The following LINGO2 variants were observed in gnomAD, a reference collection of about 807,000 sequenced individuals.
The protein encoded by LINGO2 is leucine rich repeat and Ig domain containing 2.
LINGO2 carries 14 observed loss-of-function variants against 30.6 expected under a neutral mutation model. The ratio of observed to expected loss-of-function variants is 0.46; its 90% CI spans 0.30 to 0.72. The LOEUF is 0.72. Ranked by LOEUF, LINGO2 falls within the 30% of genes least tolerant of loss-of-function variation. LINGO2 has a pLI of 0.07. For synonymous variants in LINGO2, 317 were observed against 288.5 expected, an observed-to-expected ratio of 1.10 and a Z score of -1.00; for missense variants, 729 against 751.7, an observed-to-expected ratio of 0.97 and a Z score of 0.35.
chr9:28,070,426 C>T (rs1825440121), intron 4 of LINGO2, among the ~76,000 whole-genome samples: 1 of 152,140 alleles, frequency 6.6e-6, no homozygotes, highest in Admixed American at 6.6e-5. Context: ...AATCCCAACA[C>T]ACATAAACAT....
chr9:28,277,308 C>T (rs868801459), intron 4 of LINGO2, among the ~76,000 whole-genome samples: 1 of 152,076 alleles, frequency 6.6e-6, no homozygotes, highest in Non-Finnish European at 1.5e-5. Context: ...AAATCGTACC[C>T]ACATAGGAGG....
the LINGO2 span, among the ~76,000 whole-genome samples, chr9:28,914,317 C>T: frequency 4.6e-5 from 7 of 152,050 alleles, no homozygotes; most frequent in Non-Finnish European, 7.4e-5. Context: ...TTGGCCAAAA[C>T]GCTATATATA....
chr9:28,548,491 G>C (rs1293644775), intron 1 of LINGO2, among the ~76,000 whole-genome samples: 1 of 151,832 alleles, frequency 6.6e-6, no homozygotes, highest in Admixed American at 6.6e-5. Context: ...GGTTCACGAG[G>C]GCAAGAGATT....
At chr9:28,320,823 G>A (rs1319439957) in intron 3 of LINGO2, among the ~76,000 whole-genome samples, 1 of 152,112 alleles carries the variant, frequency 6.6e-6, no homozygotes, top group African/African-American at 2.4e-5. Flanking sequence ...TTCCCCTTCT[G>A]TTTCCTTCTT....
chr9:28,215,395 T>C (rs1820729643), intron 4 of LINGO2, among the ~76,000 whole-genome samples: 1 of 151,768 alleles, frequency 6.6e-6, no homozygotes, highest in Non-Finnish European at 1.5e-5. Context: ...AAAGAATCAA[T>C]GATTAGAAGT....
intron 4 of LINGO2, among the ~76,000 whole-genome samples, chr9:28,045,390 C>T (rs1036509104): frequency 6.6e-6 from 1 of 152,092 alleles, no homozygotes; most frequent in African/African-American, 2.4e-5. Context: ...TTCCGAATTA[C>T]CTAATAAGAA....
chr9:28,101,230 T>C (rs931760359), intron 4 of LINGO2, among the ~76,000 whole-genome samples: 1 of 152,126 alleles, frequency 6.6e-6, no homozygotes, highest in Non-Finnish European at 1.5e-5. Flanking sequence ...CTCTTTATAG[T>C]TAGACCTTGA....
intron 2 of LINGO2, among the ~76,000 whole-genome samples, chr9:28,464,513 T>C (rs577628080): frequency 2.9e-4 from 44 of 152,320 alleles, no homozygotes; most frequent in African/African-American, 9.9e-4. Context: ...GTTCCTTATA[T>C]GCAAAACTAA....
At chr9:28,567,577 T>C (rs1335315943) in intron 1 of LINGO2, among the ~76,000 whole-genome samples, 1 of 152,050 alleles carries the variant, frequency 6.6e-6, no homozygotes, top group Non-Finnish European at 1.5e-5. Flanking sequence ...CTCTTACTTA[T>C]AAGTGGAAGT....
the LINGO2 span, among the ~76,000 whole-genome samples, chr9:28,682,943 GT>G: frequency 2.6e-5 from 4 of 152,038 alleles, no homozygotes; most frequent in African/African-American, 7.2e-5. Context: ...ACAATGAGAT[GT>G]CTTTGAATGA....
At chr9:28,894,688 T>C in the LINGO2 span, among the ~76,000 whole-genome samples, 19 of 151,932 alleles carry the variant, frequency 1.3e-4, no homozygotes, top group Admixed American at 1.2e-3. Context: ...TTTGTTGATA[T>C]GACAGAGTGT....
intron 4 of LINGO2, among the ~76,000 whole-genome samples, chr9:28,242,227 C>A (rs1198532927): frequency 1.3e-5 from 2 of 151,980 alleles, no homozygotes; most frequent in Non-Finnish European, 2.9e-5. Context: ...AGAACCTTGA[C>A]AAAATGTTAG....
the LINGO2 span, among the ~76,000 whole-genome samples, chr9:29,089,827 T>C: frequency 6.6e-6 from 1 of 152,046 alleles, no homozygotes; most frequent in African/African-American, 2.4e-5. Flanking sequence ...ATGTCAATCA[T>C]TATCTGATGA....
At chr9:29,007,180 TTGTAG>T in the LINGO2 span, among the ~76,000 whole-genome samples, 980 of 152,248 alleles carry the variant, frequency 6.4e-3, 13 homozygotes, top group African/African-American at 0.023. Context: ...ATATACAAAA[TTGTAG>T]TGAAACTATG....
At chr9:28,445,398 G>A (rs189108935) in intron 2 of LINGO2, among the ~76,000 whole-genome samples, 47 of 152,220 alleles carry the variant, frequency 3.1e-4, no homozygotes, top group African/African-American at 9.9e-4. Context: ...CTCATCTTCC[G>A]CAGATCAAGC....
chr9:27,946,641 C>A (rs1434911185), downstream of LINGO2, among the ~76,000 whole-genome samples: 1 of 152,034 alleles, frequency 6.6e-6, no homozygotes, highest in African/African-American at 2.4e-5. Context: ...TCTAACAGTT[C>A]ATTTTTAAAT....
the LINGO2 span, among the ~76,000 whole-genome samples, chr9:29,022,658 C>G: frequency 6.6e-6 from 1 of 152,224 alleles, no homozygotes; most frequent in South Asian, 2.1e-4. Flanking sequence ...CTTAACTATG[C>G]CTTGCCTCCT....
chr9:28,963,337 A>C, the LINGO2 span, among the ~76,000 whole-genome samples: 1 of 151,998 alleles, frequency 6.6e-6, no homozygotes, highest in Non-Finnish European at 1.5e-5. Flanking sequence ...CAAGACTAGT[A>C]CATTGAAGAT....
chr9:28,730,999 T>TA, the LINGO2 span, among the ~76,000 whole-genome samples: 2 of 152,080 alleles, frequency 1.3e-5, no homozygotes, highest in Non-Finnish European at 2.9e-5. Context: ...TGAGAATTTT[T>TA]TTTTTTTTGA....
Sources: gnomAD v4.1 joint callset for allele counts (sites outside exome capture counted in the v4.1 genomes callset) on GRCh38, gnomAD v4.1.1 for gene constraint, MANE v1.5 for transcripts, NCBI Gene and HGNC (gene_info 2026-07-23, HGNC 2026-07-21) for gene names.